TFEC: variants seen among roughly 807,000 people sequenced by gnomAD.
TFEC encodes class E basic helix-loop-helix protein 34.
TFEC carries 31 observed loss-of-function variants against 41.6 expected under a neutral mutation model. The observed-to-expected ratio is 0.74, with a 90% CI of 0.56 to 1.01. The LOEUF (loss-of-function observed/expected upper bound fraction) is 1.01. TFEC is among the 50% of genes least tolerant of loss of function. TFEC has a pLI of 0.00. For missense variants in TFEC, 402 were observed against 404.1 expected (o/e 0.99, Z 0.04); for synonymous variants, 143 against 140.6 (o/e 1.02, Z -0.12).
intron 1 of TFEC, among the ~76,000 whole-genome samples, chr7:116,002,182 C>G (rs1347688927): frequency 6.6e-6 from 1 of 152,036 alleles, no homozygotes; most frequent in Non-Finnish European, 1.5e-5. Flanking sequence ...AGGTATATAC[C>G]CAAAAGAAAG....
chr7:116,068,760 C>A (rs12532028), intron 3 of TFEC, among the ~76,000 whole-genome samples: 15,242 of 151,466 alleles, frequency 0.1, 849 homozygotes, highest in African/African-American at 0.14. Flanking sequence ...CAGAAAGCAA[C>A]AGCAGAAAAT....
chr7:116,127,327 C>T (rs1798233291), intron 1 of TFEC, among the ~76,000 whole-genome samples: 1 of 152,140 alleles, frequency 6.6e-6, no homozygotes, highest in African/African-American at 2.4e-5. Flanking sequence ...TCGTAATCCC[C>T]TTGCCTCGGC....
chr7:115,974,406 TTATATATATATATATATATATATA>T (rs572119521), intron 2 of TFEC, 150 bp from the exon 3 acceptor site: 2 of 65,012 alleles, frequency 3.1e-5, no homozygotes, highest in Middle Eastern at 7.6e-3. Flanking sequence ...AACCTCAATA[TTATATATATATATATATATATATA>T]TATATATATA....
chr7:115,942,277 G>A lies in TFEC; in HGVS notation c.516-237C>T, dbSNP rs41303399. On this transcript the variant is annotated intron_variant, in intron 6 of 7. Coordinates refer to ENST00000265440, the MANE Select transcript of TFEC (RefSeq NM_012252.4). Reference sequence around the variant, plus strand: ...AAAGTAATAAAGTGACTTTTTGTGGGAGAGCTAAATGCAATATCATGATTC... The same window carrying A: ...AAAGTAATAAAGTGACTTTTTGTGGAAGAGCTAAATGCAATATCATGATTC... Among the ~76,000 whole-genome samples the A allele has an allele frequency of 5.2e-3, 795 of 152,004 alleles. 6 individuals carry two copies. The highest frequency in any genetic ancestry group is 0.011 in the Admixed American group (164 of 15,228).
intron 3 of TFEC, among the ~76,000 whole-genome samples, chr7:115,963,934 C>G (rs1792704308): frequency 1.3e-5 from 2 of 151,100 alleles, no homozygotes; most frequent in South Asian, 4.2e-4. Flanking sequence ...TATATTTTAC[C>G]CCAATATAAA....
At chr7:115,949,711 A>G (rs1791825096) in intron 6 of TFEC, among the ~76,000 whole-genome samples, 2 of 152,032 alleles carry the variant, frequency 1.3e-5, no homozygotes, top group Non-Finnish European at 2.9e-5. Context: ...AAGATGGATT[A>G]AAGACTTAAA....
At chr7:115,982,026 G>C (rs952769610) in intron 2 of TFEC, among the ~76,000 whole-genome samples, 4 of 152,088 alleles carry the variant, frequency 2.6e-5, no homozygotes, top group Non-Finnish European at 5.9e-5. Flanking sequence ...GTTACAAAAT[G>C]CTTCTTTTGA....
chr7:115,993,051 T>G (rs375148993), intron 1 of TFEC, among the ~76,000 whole-genome samples: 3 of 152,164 alleles, frequency 2.0e-5, no homozygotes, highest in Non-Finnish European at 4.4e-5. Flanking sequence ...TGGTTCAACA[T>G]ACGCAAAAAT....
chr7:116,129,825 C>T (rs1228297921), intron 1 of TFEC, among the ~76,000 whole-genome samples: 3 of 151,866 alleles, frequency 2.0e-5, no homozygotes, highest in Non-Finnish European at 4.4e-5. Context: ...GAGGCTAGTT[C>T]TTAGCCAAAT....
intron 1 of TFEC, among the ~76,000 whole-genome samples, chr7:116,019,225 C>G (rs1562936703): frequency 6.6e-6 from 1 of 152,190 alleles, no homozygotes; most frequent in Non-Finnish European, 1.5e-5. Context: ...ACCCCTCAAT[C>G]TACCCTTGTT....
chr7:116,033,997 T>G (rs76567409), upstream of TFEC, among the ~76,000 whole-genome samples: 3,117 of 152,220 alleles, frequency 0.02, 94 homozygotes, highest in African/African-American at 0.069. Context: ...AGCAATGACC[T>G]CTGTCTTGCC....
At chr7:116,027,664 C>A (rs112882096) in intron 1 of TFEC, among the ~76,000 whole-genome samples, 1,605 of 151,974 alleles carry the variant, frequency 0.011, 39 homozygotes, top group African/African-American at 0.037. Context: ...GGAAGCTGAG[C>A]ATTGGAAACA....
chr7:115,974,073 A>C (rs1429726061), intron 3 of TFEC, 97 bp downstream of exon 3: 2 of 927,140 alleles, frequency 2.2e-6, no homozygotes, highest in Admixed American at 6.0e-5. Context: ...CTGTTTAAAA[A>C]GTGCAGAAAA....
At chr7:115,982,526 A>G (rs1415906137) in intron 2 of TFEC, among the ~76,000 whole-genome samples, 1 of 152,242 alleles carries the variant, frequency 6.6e-6, no homozygotes, top group African/African-American at 2.4e-5. Context: ...GTATAAACAT[A>G]CCAAATTCAA....
intron 1 of TFEC, among the ~76,000 whole-genome samples, chr7:116,151,879 G>C (rs1004207968): frequency 6.6e-6 from 1 of 151,860 alleles, no homozygotes; most frequent in Non-Finnish European, 1.5e-5. Context: ...TACTAATTCA[G>C]GAAGCACCTT....
intron 3 of TFEC, among the ~76,000 whole-genome samples, chr7:116,079,370 A>G (rs1797035518): frequency 2.0e-5 from 3 of 151,802 alleles, no homozygotes; most frequent in Admixed American, 2.0e-4. Flanking sequence ...CATCCACATC[A>G]GTAAAGAGGA....
intron 1 of TFEC, among the ~76,000 whole-genome samples, chr7:116,018,328 C>T (rs1415201695): frequency 6.6e-6 from 1 of 152,174 alleles, no homozygotes; most frequent in South Asian, 2.1e-4. Context: ...AATGCCTGAT[C>T]ATAATCAGAA....
At chr7:115,990,870 A>G (rs189146232) in intron 1 of TFEC, among the ~76,000 whole-genome samples, 88 of 152,304 alleles carry the variant, frequency 5.8e-4, no homozygotes, top group Non-Finnish European at 5.4e-4. Flanking sequence ...AAATTCAGGA[A>G]ATGCAGAGAA....
intron 3 of TFEC, among the ~76,000 whole-genome samples, chr7:116,103,649 G>A (rs1797652871): frequency 6.6e-6 from 1 of 152,056 alleles, no homozygotes; most frequent in Admixed American, 6.6e-5. Context: ...CAGCCACAGG[G>A]TCAGTTAACA....
Sources: gnomAD v4.1 joint callset for allele counts (sites outside exome capture counted in the v4.1 genomes callset) on GRCh38, gnomAD v4.1.1 for gene constraint, MANE v1.5 for transcripts, NCBI Gene and HGNC (gene_info 2026-07-23, HGNC 2026-07-21) for gene names.